Variants in ADCY10 observed in about 807,000 individuals in gnomAD.
ADCY10 encodes the protein adenylate cyclase type 10.
ADCY10 carries 156 observed loss-of-function variants against 183.3 expected under a neutral mutation model. That is an observed-to-expected ratio of 0.85 (90% CI 0.75 to 0.97). The LOEUF is 0.97. ADCY10 is among the 50% of genes least tolerant of loss of function. ADCY10 has a pLI of 0.00. For missense variants in ADCY10, 1,745 were observed against 1,934.3 expected (o/e 0.90, Z 1.84); for synonymous variants, 645 against 670.0 (o/e 0.96, Z 0.58).
intron 1 of ADCY10, among the ~76,000 whole-genome samples, chr1:167,912,482 G>A (rs1172398561): frequency 2.0e-5 from 3 of 152,278 alleles, no homozygotes; most frequent in South Asian, 2.1e-4. Context: ...AGGGTGAGAG[G>A]GCTAGCTTTT....
At chr1:167,862,741 C>T (rs1666371861) in intron 14 of ADCY10, among the ~76,000 whole-genome samples, 1 of 152,212 alleles carries the variant, frequency 6.6e-6, no homozygotes, top group Non-Finnish European at 1.5e-5. Flanking sequence ...TATTTTAAAA[C>T]TGGCCTTTCT....
At chr1:167,887,778 T>TA (rs113188203) in intron 8 of ADCY10, among the ~76,000 whole-genome samples, 3,307 of 143,646 alleles carry the variant, frequency 0.023, 98 homozygotes, top group African/African-American at 0.073. Flanking sequence ...AAAATAATTC[T>TA]AAAAAAAAAA....
intron 14 of ADCY10, among the ~76,000 whole-genome samples, chr1:167,868,063 C>T (rs1052968532): frequency 3.3e-5 from 5 of 152,066 alleles, no homozygotes; most frequent in African/African-American, 1.2e-4. Context: ...GAGTAAATAC[C>T]TTAGTAAAAG....
At chr1:167,877,931 C>T (rs923464494) in intron 12 of ADCY10, among the ~76,000 whole-genome samples, 1 of 152,148 alleles carries the variant, frequency 6.6e-6, no homozygotes, top group Non-Finnish European at 1.5e-5. Flanking sequence ...TTGTATGTCA[C>T]TGCAAAGATT....
chr1:167,819,755 G>A, intron 30 of ADCY10: 2 of 374,546 alleles, frequency 5.3e-6, no homozygotes, highest in Non-Finnish European at 9.6e-6. Context: ...AGTAGAGATG[G>A]GGTTTCTCCA....
intron 14 of ADCY10, among the ~76,000 whole-genome samples, chr1:167,862,244 C>A (rs1350843889): frequency 6.6e-6 from 1 of 152,134 alleles, no homozygotes; most frequent in African/African-American, 2.4e-5. Flanking sequence ...CAAAGTGTGA[C>A]CTTATTTGAA....
At chr1:167,867,704 T>C (rs942874202) in intron 14 of ADCY10, among the ~76,000 whole-genome samples, 4 of 151,872 alleles carry the variant, frequency 2.6e-5, no homozygotes, top group African/African-American at 9.7e-5. Flanking sequence ...TCCCCAAGCA[T>C]GTAACACTAA....
intron 8 of ADCY10, among the ~76,000 whole-genome samples, chr1:167,888,299 T>C (rs1484749983): frequency 6.6e-6 from 1 of 152,170 alleles, no homozygotes; most frequent in East Asian, 1.9e-4. Flanking sequence ...ATTTTTTTTT[T>C]CTATTTCTGT....
intron 8 of ADCY10, among the ~76,000 whole-genome samples, chr1:167,888,414 T>G: frequency 6.6e-6 from 1 of 152,238 alleles, no homozygotes; most frequent in East Asian, 1.9e-4. Flanking sequence ...TCTTTCATTT[T>G]TTTTTTGTGG....
chr1:167,821,846 G>T (rs1662931718), intron 30 of ADCY10, among the ~76,000 whole-genome samples, 178 bp downstream of exon 30: 1 of 152,180 alleles, frequency 6.6e-6, no homozygotes, highest in Non-Finnish European at 1.5e-5. Context: ...TTCTGTCCTT[G>T]GCCAAGGGGG....
chr1:167,867,300 C>T (rs372733502), intron 14 of ADCY10, among the ~76,000 whole-genome samples: 1 of 152,236 alleles, frequency 6.6e-6, no homozygotes, highest in East Asian at 1.9e-4. Flanking sequence ...CAGTCACACC[C>T]GGAAGCTGAC....
Position 167,845,712 on chromosome 1 carries a change from C to T in ADCY10, c.2858G>A (p.Cys953Tyr), listed in dbSNP as rs1291062507. The change falls in exon 21 of 33, where the codon TGT (cysteine) becomes TAT (tyrosine). Residue 953 changes from cysteine to tyrosine, a missense_variant. Cys to Tyr is a radical substitution (Grantham distance 194, BLOSUM62 -2). Coordinates refer to ENST00000367851, the MANE Select transcript of ADCY10 (RefSeq NM_018417.6). ...KDQRKAMHLK[C>Y]ARFLEEDAHR... ...GGCATCTTCTTCTAAAAAGCGGGCA[C>T]ATTTCAAGTGCATGGCTTTTCTCTG... The T allele has an allele frequency of 1.2e-6, 2 of 1,614,210 alleles. No homozygotes were observed. The highest frequency in any genetic ancestry group is 1.7e-5 in the Admixed American group (1 of 60,010).
chr1:167,882,562 A>C (rs973263278), intron 9 of ADCY10, among the ~76,000 whole-genome samples: 7 of 151,972 alleles, frequency 4.6e-5, no homozygotes, highest in African/African-American at 1.7e-4. Flanking sequence ...ATGGATGAAA[A>C]TAAAAGGGGA....
chr1:167,830,466 A>G (rs1344211075), intron 25 of ADCY10, among the ~76,000 whole-genome samples: 1 of 151,526 alleles, frequency 6.6e-6, no homozygotes, highest in Non-Finnish European at 1.5e-5. Context: ...ATCTCAGCTC[A>G]CTGCAACCTC....
At chr1:167,827,707 T>TA (rs10599580) in intron 26 of ADCY10, among the ~76,000 whole-genome samples, 8 of 149,330 alleles carry the variant, frequency 5.4e-5, no homozygotes, top group East Asian at 2.0e-4. Flanking sequence ...ATTTTAAATT[T>TA]AAAAAAAAAA....
At chr1:167,828,905 T>A (rs1357512219) in intron 26 of ADCY10, among the ~76,000 whole-genome samples, 1 of 152,102 alleles carries the variant, frequency 6.6e-6, no homozygotes, top group Non-Finnish European at 1.5e-5. Flanking sequence ...GAGGTTGCAG[T>A]GAGCCGATAT....
In ADCY10 at chr1:167,848,424, C is replaced by T. The variant is rs538978433; in HGVS notation, c.2374G>A (p.Glu792Lys). The change falls in exon 19 of 33, where the codon GAA (glutamate) becomes AAA (lysine). Residue 792 changes from glutamate (E) to lysine (K), a missense_variant. Glu to Lys is a moderately conservative substitution (Grantham distance 56). Transcript: ENST00000367851. ...ACACCACTTGTGAGGTGACAGACTT[C>T]TTCACTTTCCTTATCACTATGGAGA... ...VTLHSDKESEEVCHLTSGVRL... is the reference protein window; with the variant it reads ...VTLHSDKESEKVCHLTSGVRL... 2 of 1,613,942 alleles carry T rather than the reference C, an allele frequency of 1.2e-6. No individual in the cohort carries two copies. The highest frequency in any genetic ancestry group is 2.2e-5 in the South Asian group (2 of 91,086).
chr1:167,864,871 T>C (rs1047059680), intron 14 of ADCY10, among the ~76,000 whole-genome samples: 5 of 146,096 alleles, frequency 3.4e-5, no homozygotes, highest in South Asian at 2.1e-4. Flanking sequence ...ATTCAATCTG[T>C]AGCAGCAGCT....
chr1:167,824,826 T>C lies in ADCY10; in HGVS notation c.3780A>G (p.Leu1260=), dbSNP rs1663162558. 1 of 1,614,228 alleles carries C rather than the reference T, an allele frequency of 6.2e-7. No individual in the cohort carries two copies. The highest frequency in any genetic ancestry group is 8.5e-7 in the Non-Finnish European group (1 of 1,180,044). ...QIIKAYLDYS[L]YHHLAGYKGV... is the part of the protein sequence containing the mutation. Reference sequence around the variant, plus strand: ...CTTTGTAGCCAGCCAGGTGGTGGTATAGCGAATAGTCTAGGTAAGCCTTAA... The same window carrying C: ...CTTTGTAGCCAGCCAGGTGGTGGTACAGCGAATAGTCTAGGTAAGCCTTAA... Residue 1260 remains leucine (L), a synonymous_variant, in exon 27 of 33, where the codon CTA becomes CTG. Transcript: ENST00000367851.
Sources: gnomAD v4.1 joint callset for allele counts (sites outside exome capture counted in the v4.1 genomes callset) on GRCh38, gnomAD v4.1.1 for gene constraint, MANE v1.5 for transcripts, NCBI Gene and HGNC (gene_info 2026-07-23, HGNC 2026-07-21) for gene names.